Variants in TIAM1 observed in about 807,000 individuals in gnomAD.
TIAM1 encodes the protein rho guanine nucleotide exchange factor TIAM1.
A neutral mutation model predicts 163.5 loss-of-function variants in TIAM1; 65 were observed. That is an observed-to-expected ratio of 0.40 (90% CI 0.33 to 0.49). The LOEUF is 0.49. Among genes scored for constraint, TIAM1 ranks in the 20% least tolerant of loss-of-function variants. The probability of loss-of-function intolerance (pLI) is 0.77; values close to 1 mark genes in which losing one functional copy is unlikely to be tolerated. For synonymous variants in TIAM1, 833 were observed against 810.1 expected (o/e 1.03, Z -0.48); for missense variants, 1,789 against 2,044.7 (o/e 0.87, Z 2.41).
chr21:31,343,768 T>C (rs1207572598), intron 1 of TIAM1, among the ~76,000 whole-genome samples: 1 of 152,128 alleles, frequency 6.6e-6, no homozygotes, highest in Non-Finnish European at 1.5e-5. Flanking sequence ...GCATCCTGGG[T>C]GGGTGACGTG....
chr21:31,322,290 T>C (rs1158291874), intron 2 of TIAM1, among the ~76,000 whole-genome samples: 1 of 152,204 alleles, frequency 6.6e-6, no homozygotes. Flanking sequence ...CTTCTCCTCC[T>C]GGACCACAGT....
At chr21:31,557,538 A>G (rs1442782572) in intron 1 of TIAM1, among the ~76,000 whole-genome samples, 1 of 152,156 alleles carries the variant, frequency 6.6e-6, no homozygotes, top group Non-Finnish European at 1.5e-5. Context: ...TGTGAGTGAC[A>G]CCGAGCAGGT....
chr21:31,277,912 G>GATAA (rs1012334971), intron 2 of TIAM1, among the ~76,000 whole-genome samples: 3 of 152,070 alleles, frequency 2.0e-5, no homozygotes, highest in Non-Finnish European at 4.4e-5. Context: ...GCTTAAATCA[G>GATAA]ATAAATAAAT....
At chr21:31,272,137 G>T (rs1047898669) in intron 3 of TIAM1, among the ~76,000 whole-genome samples, 4 of 152,306 alleles carry the variant, frequency 2.6e-5, no homozygotes, top group Admixed American at 2.0e-4. Flanking sequence ...GCCTACAGCT[G>T]AGCAAAATCA....
intron 2 of TIAM1, among the ~76,000 whole-genome samples, chr21:31,437,474 T>C (rs941578008): frequency 2.1e-5 from 3 of 140,672 alleles, no homozygotes; most frequent in African/African-American, 8.6e-5. Context: ...CTGCACTCTA[T>C]CCTTGGTGAC....
At chr21:31,315,908 C>T (rs957069785) in intron 2 of TIAM1, among the ~76,000 whole-genome samples, 3 of 152,156 alleles carry the variant, frequency 2.0e-5, no homozygotes, top group African/African-American at 7.2e-5. Flanking sequence ...ACCTGGGAGG[C>T]GGACGTTGCA....
chr21:31,242,451 G>A (rs776648698), intron 6 of TIAM1, among the ~76,000 whole-genome samples: 21 of 152,310 alleles, frequency 1.4e-4, no homozygotes, highest in Non-Finnish European at 2.9e-4. Flanking sequence ...CAGCCCAGGA[G>A]GCTGAGGCTG....
intron 2 of TIAM1, among the ~76,000 whole-genome samples, chr21:31,435,033 C>T (rs6517031): frequency 0.07 from 10,589 of 152,234 alleles, 1,214 homozygotes; most frequent in African/African-American, 0.24. Flanking sequence ...GAACAGACTA[C>T]GGAGATGTCT....
At chr21:31,146,701 A>G (rs2083133433) in intron 20 of TIAM1, among the ~76,000 whole-genome samples, 194 bp downstream of exon 20, 1 of 123,858 alleles carries the variant, frequency 8.1e-6, no homozygotes, top group Middle Eastern at 4.2e-3. Context: ...ACAGAGTGAG[A>G]CTCTGTCTCA....
intron 1 of TIAM1, among the ~76,000 whole-genome samples, chr21:31,544,722 T>G (rs1044023789): frequency 6.6e-6 from 1 of 150,582 alleles, no homozygotes; most frequent in African/African-American, 2.4e-5. Context: ...AAAAGATATG[T>G]CAAAATCCTG....
rs2081959610 is a variant in TIAM1, at chr21:31,120,515, C to T, written c.4629G>A (p.Leu1543=). Residue 1543 remains leucine, a synonymous_variant, in exon 28 of 28, where the codon CTG becomes CTA. Transcript: ENST00000541036. This position sits in a 1 kb window ranked among gnomAD's most constrained non-coding sequence, Gnocchi z 4.2. ...GTGCCATGCGGGACGCGTGACTATC[C>T]AGGGTTTTCCGGCCTCTTTCCCGCT... ...ISQRERGRKT[L]DSHASRMAQL... 1.2e-6 allele frequency: 2 copies of T among 1,614,208 alleles called. No individual in the cohort carries two copies. The highest frequency in any genetic ancestry group is 1.7e-6 in the Non-Finnish European group (2 of 1,180,048).
intron 2 of TIAM1, among the ~76,000 whole-genome samples, chr21:31,371,658 T>G (rs1175575462): frequency 2.0e-5 from 3 of 152,202 alleles, no homozygotes; most frequent in African/African-American, 4.8e-5. Context: ...GATATTCCTG[T>G]TTAATGGACC....
At position 31,486,047 on chromosome 21, in the gene TIAM1, G is replaced by A. The variant is rs2046261048; in HGVS notation, c.-421-22012C>T. On this transcript the variant is annotated intron_variant, in intron 1 of 28. Transcript: ENST00000286827. ...CTCCCCTGTGGGCTCAGAACAAGCT[G>A]CACACCACTGAGTGGAAACCAATAG... Among the ~76,000 whole-genome samples the A allele has an allele frequency of 2.6e-5, 4 of 152,122 alleles. No homozygotes were observed. The South Asian group carries it at 8.3e-4, about 31-fold the overall frequency.
At chr21:31,240,554 C>T (rs2071112373) in intron 6 of TIAM1, among the ~76,000 whole-genome samples, 1 of 152,130 alleles carries the variant, frequency 6.6e-6, no homozygotes. Flanking sequence ...TCTACATCTT[C>T]CCCAAAACAC....
At chr21:31,504,226 G>C (rs1376261947) in intron 1 of TIAM1, among the ~76,000 whole-genome samples, 2 of 152,190 alleles carry the variant, frequency 1.3e-5, no homozygotes, top group East Asian at 3.9e-4. Context: ...GGCCTACAAT[G>C]AACAACAGCC....
At chr21:31,180,250 C>T (rs908678137) in intron 15 of TIAM1, among the ~76,000 whole-genome samples, 4 of 152,030 alleles carry the variant, frequency 2.6e-5, no homozygotes, top group East Asian at 1.9e-4. Context: ...AAACATTAAC[C>T]GTGTCTATCC....
intron 2 of TIAM1, among the ~76,000 whole-genome samples, chr21:31,286,649 G>A (rs1274177852): frequency 6.6e-6 from 1 of 152,148 alleles, no homozygotes; most frequent in East Asian, 1.9e-4. Context: ...GGAGATCAAG[G>A]CTGCAATGAG....
intron 2 of TIAM1, among the ~76,000 whole-genome samples, chr21:31,350,398 T>C (rs1054784017): frequency 2.6e-5 from 4 of 152,192 alleles, no homozygotes; most frequent in African/African-American, 9.7e-5. Context: ...TGACGCTGGC[T>C]AAGAAGGTGA....
At chr21:31,375,109 T>A (rs748633902) in intron 2 of TIAM1, among the ~76,000 whole-genome samples, 1 of 152,224 alleles carries the variant, frequency 6.6e-6, no homozygotes, top group Non-Finnish European at 1.5e-5. Flanking sequence ...ATATACCCAC[T>A]TTTGAACTCT....
Sources: gnomAD v4.1 joint callset for allele counts (sites outside exome capture counted in the v4.1 genomes callset) on GRCh38, gnomAD v4.1.1 for gene constraint, Gnocchi (gnomAD v3.1) non-coding constraint, MANE v1.5 for transcripts, NCBI Gene and HGNC (gene_info 2026-07-23, HGNC 2026-07-21) for gene names.